Variants in SEC31A observed in about 807,000 individuals in gnomAD.
SEC31A encodes the protein SEC31 homolog A, COPII component.
Under a neutral mutation model 151.0 loss-of-function variants are expected in SEC31A, and 70 were observed. The ratio of observed to expected loss-of-function variants is 0.46; its 90% CI spans 0.38 to 0.57. SEC31A has a LOEUF of 0.57. Ranked by LOEUF, SEC31A falls within the 20% of genes least tolerant of loss-of-function variation. The probability of loss-of-function intolerance (pLI) is 0.00; values close to 1 mark genes in which losing one functional copy is unlikely to be tolerated. For missense variants in SEC31A, 1,330 were observed against 1,471.2 expected (o/e 0.90, Z 1.57); for synonymous variants, 475 against 505.9 (o/e 0.94, Z 0.82).
intron 5 of SEC31A, among the ~76,000 whole-genome samples, 177 bp from the exon 6 acceptor site, chr4:82,874,928 C>T (rs1285144315): frequency 6.6e-6 from 1 of 152,210 alleles, no homozygotes; most frequent in Non-Finnish European, 1.5e-5. Flanking sequence ...AATTATATGA[C>T]TTAAAATGCA....
intron 10 of SEC31A, among the ~76,000 whole-genome samples, chr4:82,865,554 AT>A: frequency 1.6e-4 from 1 of 6,396 alleles, no homozygotes. Flanking sequence ...ATATATATAT[AT>A]ATATATATAT....
chr4:82,877,270 T>C (rs1272929682), intron 4 of SEC31A, among the ~76,000 whole-genome samples: 1 of 151,950 alleles, frequency 6.6e-6, no homozygotes, highest in African/African-American at 2.4e-5. Context: ...AAGTTGGGTT[T>C]CTGTATTGCT....
intron 5 of SEC31A, 59 bp downstream of exon 5, chr4:82,875,668 T>G: frequency 1.1e-6 from 1 of 932,438 alleles, no homozygotes; most frequent in Admixed American, 2.0e-5. Flanking sequence ...AATAAGTAGG[T>G]TTAGGAGAAC....
chr4:82,861,070 A>T (rs1280350362), intron 14 of SEC31A, among the ~76,000 whole-genome samples: 3 of 75,976 alleles, frequency 3.9e-5, no homozygotes, highest in Admixed American at 1.1e-4. Context: ...ATTAGTGGTT[A>T]AAAAAAAAAA....
chr4:82,862,363 C>T (rs1734392267), intron 13 of SEC31A, among the ~76,000 whole-genome samples, 171 bp downstream of exon 13: 1 of 151,886 alleles, frequency 6.6e-6, no homozygotes, highest in African/African-American at 2.4e-5. Flanking sequence ...GCTCTACCAG[C>T]TAAGCTCATG....
chr4:82,850,726 C>T (rs1039840459), intron 19 of SEC31A, among the ~76,000 whole-genome samples: 10 of 152,176 alleles, frequency 6.6e-5, no homozygotes, highest in Admixed American at 1.3e-4. Flanking sequence ...TTGGGTTCCA[C>T]AGCACCAATA....
chr4:82,871,334 A>G (rs777572925), intron 7 of SEC31A: 54 of 1,510,972 alleles, frequency 3.6e-5, no homozygotes, highest in Admixed American at 1.0e-4. Context: ...ACACACACAC[A>G]CACAAGTAAC....
chr4:82,867,671 G>A lies in SEC31A; in HGVS notation c.883-355C>T, dbSNP rs1045000369. ...TTTTGAGACAGGGTCTCGCTCTGTC[G>A]CCCAGGCTGGAGTGCAATGGCAGCA... On this transcript the variant is annotated intron_variant, in intron 8 of 26. Transcript: ENST00000395310. Among the ~76,000 whole-genome samples, 8 of 151,594 alleles carry A rather than the reference G, an allele frequency of 5.3e-5. No individual in the cohort carries two copies. In the East Asian group the frequency reaches 7.8e-4, roughly 15 times the overall value.
At chr4:82,896,449 CTCAGGTGATTCA>C (rs1720060635) in intron 3 of SEC31A, among the ~76,000 whole-genome samples, 1 of 151,988 alleles carries the variant, frequency 6.6e-6, no homozygotes, top group Non-Finnish European at 1.5e-5. Flanking sequence ...AACTCCTGAG[CTCAGGTGATTCA>C]CCTGCCTTAG....
intron 14 of SEC31A, among the ~76,000 whole-genome samples, chr4:82,859,744 C>T (rs6535403): frequency 0.28 from 41,932 of 151,496 alleles, 6,841 homozygotes; most frequent in East Asian, 0.49. Context: ...AGGAATAAAT[C>T]AGAGACACTG....
chr4:82,845,787 T>A (rs890658174), intron 20 of SEC31A, among the ~76,000 whole-genome samples: 1 of 152,138 alleles, frequency 6.6e-6, no homozygotes, highest in Admixed American at 6.5e-5. Context: ...CAGTCCAATA[T>A]GAAGCTTAAA....
chr4:82,881,754 G>T, intron 2 of SEC31A, 104 bp downstream of exon 2: 1 of 841,206 alleles, frequency 1.2e-6, no homozygotes, highest in South Asian at 1.5e-5. Context: ...AACTTGCCAG[G>T]GAGAGAGAGG....
intron 21 of SEC31A, among the ~76,000 whole-genome samples, chr4:82,843,287 C>A (rs1475303488): frequency 1.3e-5 from 2 of 152,058 alleles, no homozygotes; most frequent in African/African-American, 4.8e-5. Flanking sequence ...ATAGGTGCCA[C>A]CACACCCACC....
At chr4:82,881,643 C>A (rs975935109) in intron 2 of SEC31A, among the ~76,000 whole-genome samples, 3 of 152,082 alleles carry the variant, frequency 2.0e-5, no homozygotes, top group African/African-American at 7.2e-5. Flanking sequence ...AGATAAAATA[C>A]AATTCCTGTG....
At chr4:82,846,774 G>A (rs1730325271) in intron 20 of SEC31A, among the ~76,000 whole-genome samples, 1 of 152,004 alleles carries the variant, frequency 6.6e-6, no homozygotes, top group Non-Finnish European at 1.5e-5. Context: ...GAGTGCAATG[G>A]CGTGATCTCA....
chr4:82,889,936 A>G (rs1741918132), intron 1 of SEC31A, among the ~76,000 whole-genome samples: 1 of 152,122 alleles, frequency 6.6e-6, no homozygotes, highest in Non-Finnish European at 1.5e-5. Context: ...ACCACTAAAA[A>G]AGGAGAGTAG....
intron 22 of SEC31A, among the ~76,000 whole-genome samples, chr4:82,839,453 A>AT (rs1728244824): frequency 6.6e-6 from 1 of 151,846 alleles, no homozygotes; most frequent in Admixed American, 6.6e-5. Flanking sequence ...GCCCAGCCTA[A>AT]TTTTTGTATT....
At chr4:82,881,352 C>A (rs1739259983) in intron 2 of SEC31A, among the ~76,000 whole-genome samples, 1 of 151,858 alleles carries the variant, frequency 6.6e-6, no homozygotes, top group Non-Finnish European at 1.5e-5. Context: ...GTAGTCCCAG[C>A]TACTTGGGAG....
intron 26 of SEC31A, among the ~76,000 whole-genome samples, chr4:82,820,041 C>T (rs1233480606): frequency 1.3e-5 from 2 of 151,932 alleles, no homozygotes; most frequent in Non-Finnish European, 2.9e-5. Context: ...GGATTACAGG[C>T]GTGAGCCACC....
Sources: allele counts gnomAD v4.1 joint callset (sites outside exome capture counted in the v4.1 genomes callset), GRCh38; gene constraint gnomAD v4.1.1; transcripts MANE v1.5; gene names NCBI Gene and HGNC (gene_info 2026-07-23, HGNC 2026-07-21).